Variants in PDE10A observed in about 807,000 individuals in gnomAD.
PDE10A encodes cAMP and cAMP-inhibited cGMP 3',5'-cyclic phosphodiesterase 10A.
Under a neutral mutation model 97.7 loss-of-function variants are expected in PDE10A, and 39 were observed. That is an observed-to-expected ratio of 0.40 (90% confidence interval 0.31 to 0.52). The LOEUF (loss-of-function observed/expected upper bound fraction) is 0.52. Among genes scored for constraint, PDE10A ranks in the 20% least tolerant of loss-of-function variants. PDE10A has a pLI of 0.56. For synonymous variants in PDE10A, 371 were observed against 376.8 expected (o/e 0.98, Z 0.18); for missense variants, 731 against 1,047.8 (o/e 0.70, Z 4.17).
intron 18 of PDE10A, among the ~76,000 whole-genome samples, chr6:165,361,569 A>G (rs1210948865): frequency 2.6e-5 from 4 of 152,192 alleles, no homozygotes; most frequent in Non-Finnish European, 2.9e-5. Context: ...ATATTGGAAA[A>G]GTGTGGGCCC....
chr6:165,533,463 C>T (rs977076798), intron 2 of PDE10A, among the ~76,000 whole-genome samples: 42 of 152,140 alleles, frequency 2.8e-4, no homozygotes, highest in African/African-American at 8.7e-4. Flanking sequence ...ATCTGTGTGT[C>T]TAAACACAGA....
chr6:165,560,315 C>T (rs570377147), intron 1 of PDE10A, among the ~76,000 whole-genome samples: 1 of 152,208 alleles, frequency 6.6e-6, no homozygotes, highest in South Asian at 2.1e-4. Context: ...CTCAAGCTCA[C>T]AGCCAGTAAG....
intron 1 of PDE10A, chr6:165,773,294 G>A (rs925872078): frequency 7.9e-5 from 12 of 152,162 alleles, no homozygotes; most frequent in African/African-American, 2.7e-4. Flanking sequence ...TCAACAGAAA[G>A]TTTTCCTGAA....
Position 165,790,786 on chromosome 6 carries a change from C to T in PDE10A, c.-615+196743G>A, listed in dbSNP as rs117106416. 3.1e-3 allele frequency among the ~76,000 whole-genome samples: 470 copies of T among 152,276 alleles called. 1 individual carries two copies. Among genetic ancestry groups the T allele is most frequent in the Non-Finnish European group, 5.4e-3 (366 of 68,020 alleles). Reference sequence around the variant, plus strand: ...CTGGAAAGTGTGTGGATTGAGCACACTGTGTCCTGTGATGTGTCTTGCACC... The same window carrying T: ...CTGGAAAGTGTGTGGATTGAGCACATTGTGTCCTGTGATGTGTCTTGCACC... On this transcript the variant is annotated intron_variant, in intron 1 of 19. Transcript: ENST00000366882.
At chr6:165,463,161 A>C (rs1778425853) in intron 3 of PDE10A, among the ~76,000 whole-genome samples, 1 of 152,230 alleles carries the variant, frequency 6.6e-6, no homozygotes, top group Admixed American at 6.5e-5. Flanking sequence ...TGATCTGAAC[A>C]AAACAGTCAG....
rs79100116 is a variant in PDE10A, at chr6:165,331,055, A to G, written c.*1970T>C. 7.9e-5 allele frequency: 12 copies of G among 152,260 alleles called. No individual in the cohort carries two copies. Among genetic ancestry groups the G allele is most frequent in the Non-Finnish European group, 1.5e-4 (10 of 67,982 alleles). 9.4% of individuals were successfully genotyped at this position (152,260 alleles called of 1,614,324 possible). On this transcript the variant is annotated 3_prime_UTR_variant, in exon 22 of 22. Coordinates refer to ENST00000539869, the MANE Select transcript of PDE10A (RefSeq NM_001385079.1). Reference sequence around the variant, plus strand: ...AAGAATGGGAGAATGGGGCTGATTTATATTTTTTCCTACATGTTTGCTTCT... The same window carrying G: ...AAGAATGGGAGAATGGGGCTGATTTGTATTTTTTCCTACATGTTTGCTTCT...
chr6:165,761,126 A>C (rs1793240097), intron 1 of PDE10A, among the ~76,000 whole-genome samples: 1 of 151,920 alleles, frequency 6.6e-6, no homozygotes, highest in South Asian at 2.1e-4. Context: ...CGCTAGCAGG[A>C]CTCTCAACTT....
chr6:165,690,385 C>T (rs9459474), intron 1 of PDE10A, among the ~76,000 whole-genome samples: 111,351 of 152,110 alleles, frequency 0.73, 42,382 homozygotes, highest in Non-Finnish European at 0.85. Context: ...CAAATTCTTA[C>T]GGCAAATGTT....
At chr6:165,730,418 C>T (rs1253237427) in intron 1 of PDE10A, among the ~76,000 whole-genome samples, 2 of 152,176 alleles carry the variant, frequency 1.3e-5, no homozygotes, top group Non-Finnish European at 2.9e-5. Flanking sequence ...TATCCTGAAT[C>T]ATAGCATGCA....
chr6:165,792,124 G>A (rs1165981606), intron 1 of PDE10A, among the ~76,000 whole-genome samples: 1 of 152,146 alleles, frequency 6.6e-6, no homozygotes, highest in Non-Finnish European at 1.5e-5. Context: ...TCATGCACCC[G>A]CATTCCCACA....
chr6:165,541,158 C>A (rs1467495665), intron 2 of PDE10A, among the ~76,000 whole-genome samples: 1 of 152,106 alleles, frequency 6.6e-6, no homozygotes, highest in African/African-American at 2.4e-5. Context: ...TATATACTTC[C>A]AGTGCTTGTA....
In PDE10A at chr6:165,957,089, C is replaced by T. The variant is rs116662341; in HGVS notation, c.-615+30440G>A. On this transcript the variant is annotated intron_variant, in intron 1 of 19. Transcript: ENST00000366882. Reference sequence around the variant, plus strand: ...TGGCTACTAGTGCAGGAGACCTGTGCTACTCAAAGAGTGAACTCAGAGGGC... The same window carrying T: ...TGGCTACTAGTGCAGGAGACCTGTGTTACTCAAAGAGTGAACTCAGAGGGC... Among the ~76,000 whole-genome samples, 1,188 of 152,294 alleles carry T rather than the reference C, an allele frequency of 7.8e-3. 17 individuals are homozygous for T. Among genetic ancestry groups the T allele is most frequent in the African/African-American group, 0.028 (1,143 of 41,556 alleles).
intron 1 of PDE10A, among the ~76,000 whole-genome samples, chr6:165,572,232 TA>T (rs1361727746): frequency 2.0e-5 from 3 of 152,206 alleles, no homozygotes; most frequent in Non-Finnish European, 2.9e-5. Context: ...ATTTAAAACA[TA>T]AAATTCTAAT....
At chr6:165,892,974 C>A (rs1781845049) in intron 1 of PDE10A, among the ~76,000 whole-genome samples, 1 of 152,210 alleles carries the variant, frequency 6.6e-6, no homozygotes, top group Admixed American at 6.5e-5. Flanking sequence ...ACCTCCTCTT[C>A]TCGTTGTTCT....
chr6:165,869,955 C>A (rs1339204518), intron 1 of PDE10A, among the ~76,000 whole-genome samples: 2 of 151,920 alleles, frequency 1.3e-5, no homozygotes, highest in African/African-American at 4.8e-5. Context: ...CCAAAATGAA[C>A]TAAAGATGTA....
rs1404922739 is a variant in PDE10A at position 165,343,297 on chromosome 6, C to A, written c.2895+94G>T. On this transcript the variant is annotated intron_variant, in intron 19 of 21. Coordinates refer to ENST00000539869, the MANE Select transcript of PDE10A (RefSeq NM_001385079.1). ...GACTCACCACAGTTCTCTGAAATAA[C>A]TATCAACATGAACAACTAAAGTATT... The A allele has an allele frequency of 4.6e-6, 4 of 861,866 alleles. No individual in the cohort carries two copies. In the Admixed American group the frequency reaches 7.6e-5, roughly 16 times the overall value. The allele number at this position is 861,866 out of a possible 1,614,324, so 53.4% of individuals were successfully genotyped here.
chr6:165,399,418 T>C (rs1396891737), intron 13 of PDE10A, among the ~76,000 whole-genome samples: 1 of 152,284 alleles, frequency 6.6e-6, no homozygotes, highest in African/African-American at 2.4e-5. Context: ...ACTGCCCAAA[T>C]CCAATACTTA....
At chr6:165,508,753 G>A (rs1324104167) in intron 2 of PDE10A, among the ~76,000 whole-genome samples, 1 of 151,886 alleles carries the variant, frequency 6.6e-6, no homozygotes, top group African/African-American at 2.4e-5. Context: ...ATACCTCACT[G>A]CATTTTGTCA....
At position 165,655,904 on chromosome 6, in the gene PDE10A, GC is replaced by G. The variant is rs1472757309; in HGVS notation, c.865+6042del. On this transcript the variant is annotated intron_variant, in intron 1 of 21. Coordinates refer to ENST00000539869, the MANE Select transcript of PDE10A (RefSeq NM_001385079.1). The surrounding 1 kb of genome is among the most constrained non-coding windows in gnomAD (Gnocchi z 4.5). Reference sequence around the variant, plus strand: ...CTTGTGAGCCCCCTCTGCCTAGGGTGCTTTTCCCCAGATAACTGCATGGCCG... The same window carrying G: ...CTTGTGAGCCCCCTCTGCCTAGGGTGTTTTCCCCAGATAACTGCATGGCCG... Among the ~76,000 whole-genome samples, 1 of 152,020 alleles carries G rather than the reference GC, an allele frequency of 6.6e-6. No homozygotes were observed. The highest frequency in any genetic ancestry group is 2.4e-5 in the African/African-American group (1 of 41,382).
Sources: gnomAD v4.1 joint callset for allele counts (sites outside exome capture counted in the v4.1 genomes callset) on GRCh38, gnomAD v4.1.1 for gene constraint, Gnocchi (gnomAD v3.1) non-coding constraint, MANE v1.5 for transcripts, NCBI Gene and HGNC (gene_info 2026-07-23, HGNC 2026-07-21) for gene names.